The following BTBD2 variants were observed in gnomAD, a reference collection of about 807,000 sequenced individuals.
BTBD2 encodes the protein BTB/POZ domain-containing protein 2.
Under a neutral mutation model 44.0 loss-of-function variants are expected in BTBD2, and 15 were observed. The ratio of observed to expected loss-of-function variants is 0.34; its 90% CI spans 0.23 to 0.53. The LOEUF (loss-of-function observed/expected upper bound fraction) is 0.53. BTBD2 is among the 20% of genes least tolerant of loss of function. BTBD2 has a pLI of 0.95. For synonymous variants in BTBD2, 443 were observed against 335.9 expected (o/e 1.32, Z -3.49); for missense variants, 657 against 746.4 (o/e 0.88, Z 1.39).
intron 2 of BTBD2, among the ~76,000 whole-genome samples, chr19:1,993,970 C>G (rs2016216804): frequency 8.0e-6 from 1 of 125,204 alleles, no homozygotes; most frequent in East Asian, 2.3e-4. Flanking sequence ...GCACTCCAGC[C>G]TGGAGACAGA....
At chr19:2,009,389 G>A (rs867807844) in intron 1 of BTBD2, among the ~76,000 whole-genome samples, 22 of 151,794 alleles carry the variant, frequency 1.4e-4, no homozygotes, top group African/African-American at 4.3e-4. Flanking sequence ...TAGTAGAGAC[G>A]GGGTTTCACC....
rs113462365 is a variant in BTBD2 at position 1,990,817 on chromosome 19, T to G, written c.690A>C (p.Arg230=). The change falls in exon 4 of 9, where the codon CGA becomes CGC. Residue 230 remains arginine, a synonymous_variant. Coordinates refer to ENST00000255608, the MANE Select transcript of BTBD2 (RefSeq NM_017797.4). ...DNAFMLLTQA[R]LFDEPQLASL... Reference sequence around the variant, plus strand: ...TGGCCAGCTGCGGTTCATCGAAGAGTCGCGCCTGGCAAGAGACATCGACGG... The same window carrying G: ...TGGCCAGCTGCGGTTCATCGAAGAGGCGCGCCTGGCAAGAGACATCGACGG... 6.4e-6 allele frequency: 10 copies of G among 1,567,264 alleles called. No individual in the cohort carries two copies. The highest frequency in any genetic ancestry group is 5.6e-5 in the Admixed American group (3 of 53,450).
rs1346632296 is a variant in BTBD2 at position 1,995,023 on chromosome 19, A to G, written c.528-1847T>C. Among the ~76,000 whole-genome samples the G allele has an allele frequency of 7.9e-5, 12 of 152,178 alleles. No individual in the cohort carries two copies. In the East Asian group the frequency reaches 1.7e-3, roughly 22 times the overall value. On this transcript the variant is annotated intron_variant, in intron 2 of 8. Coordinates refer to ENST00000255608, the MANE Select transcript of BTBD2 (RefSeq NM_017797.4). ...CGCTCTGTCGCCCAAGCTGGAGTGCAGTGGCGCAGTCTTGGTTTACTAAAA... is the reference window on the plus strand; with the variant it reads ...CGCTCTGTCGCCCAAGCTGGAGTGCGGTGGCGCAGTCTTGGTTTACTAAAA...
At chr19:2,000,266 C>T (rs1376983505) in intron 1 of BTBD2, among the ~76,000 whole-genome samples, 1 of 149,606 alleles carries the variant, frequency 6.7e-6, no homozygotes, top group Non-Finnish European at 1.5e-5. Context: ...AGGGCCCAGG[C>T]CTCAGGGCCC....
intron 1 of BTBD2, among the ~76,000 whole-genome samples, chr19:1,999,425 G>C (rs1183119478): frequency 6.6e-6 from 1 of 152,250 alleles, no homozygotes; most frequent in East Asian, 1.9e-4. Context: ...CCAGCATGTG[G>C]GAGACCAAGG....
rs1176872034 is a variant in BTBD2 at position 1,986,536 on chromosome 19, G to A, written c.1530C>T (p.Gly510=). Residue 510 remains glycine (G), a synonymous_variant, in exon 9 of 9, where the codon GGC becomes GGT. Coordinates refer to ENST00000255608, the MANE Select transcript of BTBD2 (RefSeq NM_017797.4). The part of the protein sequence containing the change: ...TFCYAAGNNN[G]TSVEDGQIPE... ...GGATCTGGCCGTCCTCCACGGATGTGCCATTGTTGTTCCCGGCCGCGTAGC... is the reference window on the plus strand; with the variant it reads ...GGATCTGGCCGTCCTCCACGGATGTACCATTGTTGTTCCCGGCCGCGTAGC... 5 of 1,613,980 alleles carry A rather than the reference G, an allele frequency of 3.1e-6. No homozygotes were observed. Among genetic ancestry groups the A allele is most frequent in the Non-Finnish European group, 3.4e-6 (4 of 1,179,978 alleles).
chr19:1,994,714 G>A lies in BTBD2; in HGVS notation c.528-1538C>T, dbSNP rs190716473. Among the ~76,000 whole-genome samples the A allele has an allele frequency of 7.2e-5, 11 of 152,194 alleles. No homozygotes were observed. In the East Asian group the frequency reaches 1.7e-3, roughly 24 times the overall value. ...GCAGAGGTTGCAGTGAGCCAGGATC[G>A]TGCCACTGCACTCCAGCCATGGTGG... On this transcript the variant is annotated intron_variant, in intron 2 of 8. Transcript: ENST00000255608.
At position 1,993,153 on chromosome 19, in the gene BTBD2, T is replaced by C. The variant is rs1568216458; in HGVS notation, c.551A>G (p.Gln184Arg). 1 of 1,604,378 alleles carries C rather than the reference T, an allele frequency of 6.2e-7. No homozygotes were observed. Residue 184 changes from glutamine to arginine, a missense_variant, in exon 3 of 9, where the codon CAG (glutamine) becomes CGG (arginine). Gln to Arg is a conservative substitution (Grantham distance 43, BLOSUM62 1). Coordinates refer to ENST00000255608, the MANE Select transcript of BTBD2 (RefSeq NM_017797.4). ...LLKFLYSDEV[Q>R]IGPETVMTTL... is the part of the protein sequence containing the mutation. ...GGTCATCACCGTCTCCGGGCCAATC[T>C]GCACCTCGTCCGAGTAGAGAAACCT... is the stretch of plus-strand genomic sequence containing the variant.
At chr19:1,999,830 TG>T (rs1448428495) in intron 1 of BTBD2, among the ~76,000 whole-genome samples, 1 of 151,580 alleles carries the variant, frequency 6.6e-6, no homozygotes, top group Non-Finnish European at 1.5e-5. Flanking sequence ...GGCGTGGTGG[TG>T]GGTGCCTGTA....
intron 1 of BTBD2, chr19:2,013,789 G>A (rs1407049766): frequency 1.9e-6 from 1 of 529,408 alleles, no homozygotes; most frequent in Non-Finnish European, 2.4e-6. Flanking sequence ...TCTCCGGTGG[G>A]GGTCACTGGG....
chr19:2,007,005 T>A (rs148231720), intron 1 of BTBD2, among the ~76,000 whole-genome samples: 1 of 151,938 alleles, frequency 6.6e-6, no homozygotes, highest in South Asian at 2.1e-4. Flanking sequence ...TTACAGGCGC[T>A]CGCCACCACG....
intron 4 of BTBD2, 145 bp from the exon 5 acceptor site, chr19:1,990,346 TATAA>T (rs2016157565): frequency 1.2e-6 from 1 of 840,770 alleles, no homozygotes; most frequent in Non-Finnish European, 1.8e-6. Flanking sequence ...TGAGTGTGTT[TATAA>T]ATAAAGCTTT....
At chr19:2,013,558 T>C in intron 1 of BTBD2, 1 of 986,282 alleles carries the variant, frequency 1.0e-6, no homozygotes, top group Non-Finnish European at 1.2e-6. Context: ...TTCTGCAGAG[T>C]CCAGGGTCCA....
rs182233819 is a variant in BTBD2 at position 2,012,446 on chromosome 19, G to A, written c.407+2851C>T. Among the ~76,000 whole-genome samples the A allele has an allele frequency of 1.4e-3, 213 of 152,256 alleles. 1 individual carries two copies. The highest frequency in any genetic ancestry group is 4.8e-3 in the African/African-American group (199 of 41,534). On this transcript the variant is annotated intron_variant, in intron 1 of 8. Coordinates refer to ENST00000255608, the MANE Select transcript of BTBD2 (RefSeq NM_017797.4). ...ATTCCAGGCGTGCGCCCCCGCACCC[G>A]GCCCCTTAGACTTTTCTGAATGTAT...
intron 4 of BTBD2, chr19:1,990,464 C>T: frequency 1.6e-6 from 1 of 610,948 alleles, no homozygotes; most frequent in Non-Finnish European, 2.9e-6. Context: ...ACAGCAAAGT[C>T]AAAGCCATGG....
chr19:2,009,342 G>C (rs1416047353), intron 1 of BTBD2, among the ~76,000 whole-genome samples: 2 of 152,000 alleles, frequency 1.3e-5, no homozygotes, highest in African/African-American at 4.8e-5. Context: ...GGGATTACAG[G>C]TGCCCACCGC....
chr19:1,992,868 G>C (rs984148277), intron 3 of BTBD2, 152 bp downstream of exon 3: 9 of 779,398 alleles, frequency 1.2e-5, no homozygotes, highest in Non-Finnish European at 1.6e-5. Context: ...AACCACGCCC[G>C]GCCCAAAACA....
intron 1 of BTBD2, 32 bp from the exon 2 acceptor site, chr19:1,997,495 C>T (rs1385963590): frequency 4.3e-6 from 7 of 1,611,786 alleles, no homozygotes; most frequent in African/African-American, 1.3e-5. Flanking sequence ...CCTGGTTAAG[C>T]CCGTGGCCGC....
chr19:2,009,998 T>A (rs886893802), intron 1 of BTBD2, among the ~76,000 whole-genome samples: 2 of 151,398 alleles, frequency 1.3e-5, no homozygotes, highest in Admixed American at 1.3e-4. Context: ...TACTAAAAAA[T>A]ACAATTAGCC....
Sources: allele counts gnomAD v4.1 joint callset (sites outside exome capture counted in the v4.1 genomes callset), GRCh38; gene constraint gnomAD v4.1.1; transcripts MANE v1.5; gene names NCBI Gene and HGNC (gene_info 2026-07-23, HGNC 2026-07-21).